Variants in SAMD9 observed in about 807,000 individuals in gnomAD.
SAMD9 encodes the protein sterile alpha motif domain containing 9.
In SAMD9, 3 loss-of-function variants were observed where a neutral mutation model predicts 1.5. The ratio of observed to expected loss-of-function variants is 2.05; its 90% CI spans 0.93 to 5.29. The LOEUF is 5.29. Among genes scored for constraint, SAMD9 ranks in the 30% most tolerant of loss-of-function variants. The pLI is 0.02. For missense variants in SAMD9, 1,597 were observed against 1,820.8 expected (o/e 0.88, Z 2.24); for synonymous variants, 635 against 631.9 (o/e 1.00, Z -0.07).
Position 93,102,026 on chromosome 7 carries a change from C to T in SAMD9, c.4072G>A (p.Ala1358Thr), listed in dbSNP as rs1321027902. ...LEYLIKSQEDAISTMKCIVNE... is the reference protein window; with the variant it reads ...LEYLIKSQEDTISTMKCIVNE... ...ACTATACATTTCATAGTGCTTATAGCATCCTCTTGACTTTTGATAAGATAT... is the reference window on the plus strand; with the variant it reads ...ACTATACATTTCATAGTGCTTATAGTATCCTCTTGACTTTTGATAAGATAT... Residue 1358 changes from alanine to threonine, a missense_variant, in exon 3 of 3, where the codon GCT becomes ACT. Ala to Thr is a moderately conservative substitution (Grantham distance 58, BLOSUM62 0). Around this residue, in one of 6 missense-constraint regions of SAMD9, gnomAD observed 682 missense variants for 810.0 expected, o/e 0.84. Transcript: ENST00000379958. The T allele has an allele frequency of 1.2e-6, 2 of 1,613,348 alleles. No individual in the cohort carries two copies. The highest frequency in any genetic ancestry group is 1.1e-5 in the South Asian group (1 of 91,074).
intron 2 of SAMD9, among the ~76,000 whole-genome samples, chr7:93,112,718 AT>A (rs1350199165): frequency 6.6e-6 from 1 of 152,188 alleles, no homozygotes; most frequent in African/African-American, 2.4e-5. Flanking sequence ...TTCAAAGAGA[AT>A]AAAATACCTA....
Position 93,105,560 on chromosome 7 carries a change from T to C in SAMD9, c.538A>G (p.Ser180Gly), listed in dbSNP as rs534496289. 8.7e-6 allele frequency: 14 copies of C among 1,614,136 alleles called. No individual in the cohort carries two copies. In the South Asian group the frequency reaches 1.4e-4, roughly 16 times the overall value. Residue 180 changes from serine (S) to glycine (G), a missense_variant, in exon 3 of 3, where the codon AGT (serine) becomes GGT (glycine). Ser to Gly is a moderately conservative substitution (Grantham distance 56). This residue lies in a region of SAMD9 where 498 missense variants were observed against 457.4 expected (regional missense o/e 1.09). Coordinates refer to ENST00000379958, the MANE Select transcript of SAMD9 (RefSeq NM_017654.4). ...CCTGGTCCTGTTTCAGGCTGTAGAC[T>C]AAAATCCAACTTGTAACGATATGGA... ...SNPYRYKLDF[S>G]LQPETGPGNL...
chr7:93,117,343 A>G (rs1791848452), intron 1 of SAMD9, among the ~76,000 whole-genome samples: 2 of 152,026 alleles, frequency 1.3e-5, no homozygotes, highest in Admixed American at 1.3e-4. Flanking sequence ...CAGTGGTACA[A>G]TTACAGCTCA....
chr7:93,101,697 T>A lies in SAMD9; in HGVS notation c.4401A>T (p.Gln1467His). 6.2e-7 allele frequency: 1 copy of A among 1,613,686 alleles called. No homozygotes were observed. The highest frequency in any genetic ancestry group is 1.1e-5 in the South Asian group (1 of 91,072). The change falls in exon 3 of 3, where the codon CAA becomes CAT. Residue 1467 changes from glutamine to histidine, a missense_variant. This residue lies in a region of SAMD9 where 682 missense variants were observed against 810.0 expected (regional missense o/e 0.84). Transcript: ENST00000379958. ...AQALKNSFKG[Q>H]YKHMHRTKQP... ...GCTTTGTACGATGCATATGTTTATA[T>A]TGCCCCTTGAAAGAATTTTTTAGTG...
At position 93,099,602 on chromosome 7, in the gene SAMD9, C is replaced by T. The variant is rs1791493958; in HGVS notation, c.*1726G>A. On this transcript the variant is annotated 3_prime_UTR_variant, in exon 3 of 3. Coordinates refer to ENST00000379958, the MANE Select transcript of SAMD9 (RefSeq NM_017654.4). ...ATGGAGTTAAAATTTTATGCAGAAG[C>T]AAGGGAAAATCTTCCTCCAGTGAAA... 6.6e-6 allele frequency: 1 copy of T among 152,106 alleles called. No homozygotes were observed. Among genetic ancestry groups the T allele is most frequent in the South Asian group, 2.1e-4 (1 of 4,828 alleles). 9.4% of individuals were successfully genotyped at this position (152,106 alleles called of 1,614,324 possible). A position where few individuals can be genotyped will look rare whatever the true frequency, so the allele number is the denominator to read the frequency against.
intron 2 of SAMD9, among the ~76,000 whole-genome samples, chr7:93,110,089 T>C: frequency 6.6e-6 from 1 of 152,184 alleles, no homozygotes; most frequent in East Asian, 1.9e-4. Flanking sequence ...GGGGAGCCCA[T>C]CAGATTAACA....
intron 2 of SAMD9, among the ~76,000 whole-genome samples, chr7:93,111,774 T>C (rs1479711188): frequency 6.6e-6 from 1 of 152,182 alleles, no homozygotes; most frequent in Admixed American, 6.5e-5. Flanking sequence ...GTTGAATCCC[T>C]GAATAGACCA....
Position 93,103,508 on chromosome 7 carries a change from C to T in SAMD9, c.2590G>A (p.Ala864Thr). 2 of 1,613,710 alleles carry T rather than the reference C, an allele frequency of 1.2e-6. No homozygotes were observed. Among genetic ancestry groups the T allele is most frequent in the Non-Finnish European group, 1.7e-6 (2 of 1,179,696 alleles). Residue 864 changes from alanine (A) to threonine (T), a missense_variant, in exon 3 of 3, where the codon GCT (alanine) becomes ACT (threonine). Physicochemically the swap from Ala to Thr is moderately conservative, Grantham distance 58. Coordinates refer to ENST00000379958, the MANE Select transcript of SAMD9 (RefSeq NM_017654.4). ...ATTTCTTTCAATTTAAGCTCAAAAG[C>T]TCTCTGTTCTTTGGGAGAGAGTTGC... ...IQQLSPKEQR[A>T]FELKLKEIKE...
chr7:93,110,200 C>T (rs922877330), intron 2 of SAMD9, among the ~76,000 whole-genome samples: 3 of 152,088 alleles, frequency 2.0e-5, no homozygotes, highest in Non-Finnish European at 2.9e-5. Context: ...TCATATCCAG[C>T]CAAACTAAGC....
At position 93,104,700 on chromosome 7, in the gene SAMD9, T is replaced by G. The variant is rs138066899; in HGVS notation, c.1398A>C (p.Pro466=). Residue 466 remains proline, a synonymous_variant, in exon 3 of 3, where the codon CCA becomes CCC. Transcript: ENST00000379958. Reference sequence around the variant, plus strand: ...TGGTTTTCTGTTCTACATATACACTTGGAAAGTGAAGGTTTGCTACTCGGC... The same window carrying G: ...TGGTTTTCTGTTCTACATATACACTGGGAAAGTGAAGGTTTGCTACTCGGC... ...KESRVANLHF[P]SVYVEQKTTP... The G allele has an allele frequency of 8.9e-4, 1,439 of 1,613,982 alleles. 13 individuals carry two copies. The African/African-American group carries it at 0.017, about 19-fold the overall frequency.
chr7:93,106,998 C>T (rs931945263), intron 2 of SAMD9, among the ~76,000 whole-genome samples: 2 of 152,056 alleles, frequency 1.3e-5, no homozygotes, highest in Admixed American at 1.3e-4. Context: ...TGTTCCTTAC[C>T]CAAGATGTGT....
chr7:93,107,415 T>C (rs1275359561), intron 2 of SAMD9, among the ~76,000 whole-genome samples: 1 of 152,212 alleles, frequency 6.6e-6, no homozygotes, highest in Non-Finnish European at 1.5e-5. Flanking sequence ...GTTTGCAAAT[T>C]TGCAGACTAC....
rs1398627129 is a variant in SAMD9 at position 93,102,357 on chromosome 7, T to G, written c.3741A>C (p.Lys1247Asn). ...DIPGDPNNEY[K>N]LALKNYIPYL... ...AAGGAATATAGTTTTTGAGGGCTAA[T>G]TTATATTCATTGTTTGGATCCCCTG... is the stretch of plus-strand genomic sequence containing the variant. Residue 1247 changes from lysine (K) to asparagine (N), a missense_variant, in exon 3 of 3, where the codon AAA (lysine) becomes AAC (asparagine). Physicochemically the swap from Lys to Asn is moderately conservative, Grantham distance 94. This residue lies in a region of SAMD9 where 682 missense variants were observed against 810.0 expected (regional missense o/e 0.84). Transcript: ENST00000379958. 6.2e-7 allele frequency: 1 copy of G among 1,608,508 alleles called. No homozygotes were observed. Among genetic ancestry groups the G allele is most frequent in the South Asian group, 1.1e-5 (1 of 90,764 alleles).
Position 93,100,302 on chromosome 7 carries a change from A to G in SAMD9, c.*1026T>C, listed in dbSNP as rs879568160. The G allele has an allele frequency of 6.6e-6, 1 of 152,138 alleles. No homozygotes were observed. Among genetic ancestry groups the G allele is most frequent in the African/African-American group, 2.4e-5 (1 of 41,430 alleles). 9.4% of individuals were successfully genotyped at this position (152,138 alleles called of 1,614,324 possible). On this transcript the variant is annotated 3_prime_UTR_variant, in exon 3 of 3. Coordinates refer to ENST00000379958, the MANE Select transcript of SAMD9 (RefSeq NM_017654.4). ...TCAGGTTTAATTATTTGGCAAGACC[A>G]TGTCACGGGTGATGTGTGCACTCCT...
Position 93,103,386 on chromosome 7 carries a change from G to T in SAMD9, c.2712C>A (p.Ile904=). The T allele has an allele frequency of 2.5e-6, 4 of 1,613,300 alleles. No homozygotes were observed. The highest frequency in any genetic ancestry group is 3.4e-6 in the Non-Finnish European group (4 of 1,179,380). The change falls in exon 3 of 3, where the codon ATC becomes ATA. Residue 904 remains isoleucine, a synonymous_variant. Transcript: ENST00000379958. ...KEYIENVVRN[I]LKGQNIFTKE... ...TGGTGAAAATATTCTGCCCTTTCAG[G>T]ATATTCCGGACCACATTTTCTATGT...
intron 2 of SAMD9, among the ~76,000 whole-genome samples, chr7:93,107,858 C>T (rs575095660): frequency 1.2e-4 from 18 of 152,136 alleles, no homozygotes; most frequent in South Asian, 4.1e-4. Flanking sequence ...ATCTTAGTTG[C>T]GATTTTGTAC....
At chr7:93,113,706 A>G (rs939190167) in intron 2 of SAMD9, among the ~76,000 whole-genome samples, 3 of 152,238 alleles carry the variant, frequency 2.0e-5, no homozygotes, top group Non-Finnish European at 4.4e-5. Context: ...AATGTTCATC[A>G]TCACTGGCCA....
In SAMD9 at chr7:93,101,822, A is replaced by G. The variant is rs767036832; in HGVS notation, c.4276T>C (p.Tyr1426His). The change falls in exon 3 of 3, where the codon TAT becomes CAT. Residue 1426 changes from tyrosine (Y) to histidine (H), a missense_variant. Physicochemically the swap from Tyr to His is moderately conservative, Grantham distance 83. Transcript: ENST00000379958. Reference sequence around the variant, plus strand: ...AGAAAATACGGTTCTGAAAACTGATAAGTCAGTCCTATTGGTTGCAAGACT... The same window carrying G: ...AGAAAATACGGTTCTGAAAACTGATGAGTCAGTCCTATTGGTTGCAAGACT... ...REVLQPIGLT[Y>H]QFSEPYFLAS... The G allele has an allele frequency of 6.2e-7, 1 of 1,613,830 alleles. No individual in the cohort carries two copies. The highest frequency in any genetic ancestry group is 8.5e-7 in the Non-Finnish European group (1 of 1,179,754).
Position 93,101,738 on chromosome 7 carries a change from T to C in SAMD9, c.4360A>G (p.Lys1454Glu). The change falls in exon 3 of 3, where the codon AAA (lysine) becomes GAA (glutamate). Residue 1454 changes from lysine (K) to glutamate (E), a missense_variant. Lys to Glu is a moderately conservative substitution (Grantham distance 56, BLOSUM62 1). Coordinates refer to ENST00000379958, the MANE Select transcript of SAMD9 (RefSeq NM_017654.4). ...TTTTTTAGTGCTTGAGCATACTCTT[T>C]CATTTGTTCAGAATGTTGATCTAGT... ...QQLDQHSEQM[K>E]EYAQALKNSF... 1.2e-6 allele frequency: 2 copies of C among 1,613,896 alleles called. No individual in the cohort carries two copies. The highest frequency in any genetic ancestry group is 1.1e-5 in the South Asian group (1 of 91,078).
Sources: allele counts gnomAD v4.1 joint callset (sites outside exome capture counted in the v4.1 genomes callset), GRCh38; gene constraint gnomAD v4.1.1; regional missense constraint gnomAD v4.1.1; transcripts MANE v1.5; gene names NCBI Gene and HGNC (gene_info 2026-07-23, HGNC 2026-07-21).